CASP8: variants seen among roughly 807,000 people sequenced by gnomAD.
CASP8 encodes the protein caspase-8.
CASP8 carries 24 observed loss-of-function variants against 46.3 expected under a neutral mutation model. That is an observed-to-expected ratio of 0.52 (90% CI 0.38 to 0.73). The LOEUF (loss-of-function observed/expected upper bound fraction) is 0.73, where lower values mean the gene tolerates loss of function less well. Ranked by LOEUF, CASP8 falls within the 30% of genes least tolerant of loss-of-function variation. The pLI is 0.00. For synonymous variants in CASP8, 188 were observed against 200.4 expected, an observed-to-expected ratio of 0.94 and a Z score of 0.52; for missense variants, 460 against 559.0, an observed-to-expected ratio of 0.82 and a Z score of 1.79.
chr2:201,275,992 A>G (rs893236431), intron 6 of CASP8, among the ~76,000 whole-genome samples: 27 of 152,226 alleles, frequency 1.8e-4, no homozygotes, highest in Admixed American at 2.6e-4. Flanking sequence ...CAAATATTTA[A>G]TATCTTAGAG....
intron 2 of CASP8, among the ~76,000 whole-genome samples, chr2:201,236,965 A>C (rs991392861): frequency 7.2e-5 from 11 of 151,994 alleles, no homozygotes; most frequent in Admixed American, 2.0e-4. Flanking sequence ...AATTATTTCT[A>C]TCCCCACCCT....
intron 2 of CASP8, among the ~76,000 whole-genome samples, chr2:201,239,256 A>C (rs938331602): frequency 2.2e-4 from 33 of 152,050 alleles, no homozygotes; most frequent in Admixed American, 3.3e-4. Flanking sequence ...CATTGTCATC[A>C]TGGCCCGTTC....
At chr2:201,268,819 A>G (rs774577346) in intron 2 of CASP8, among the ~76,000 whole-genome samples, 1 of 151,526 alleles carries the variant, frequency 6.6e-6, no homozygotes, top group Non-Finnish European at 1.5e-5. Flanking sequence ...GTCTCTGCCT[A>G]TGTTCCCTTC....
At chr2:201,286,163 G>A (rs1424276986) in intron 8 of CASP8, among the ~76,000 whole-genome samples, 5 of 152,232 alleles carry the variant, frequency 3.3e-5, no homozygotes, top group African/African-American at 9.6e-5. Flanking sequence ...GCCAAGTAAC[G>A]TGGAGAAGAG....
intron 2 of CASP8, among the ~76,000 whole-genome samples, chr2:201,268,909 T>TTG (rs58087434): frequency 0.34 from 44,381 of 131,336 alleles, 7,716 homozygotes; most frequent in East Asian, 0.43. Flanking sequence ...GGCCTCATCT[T>TTG]TGTGTGTGTG....
intron 6 of CASP8, among the ~76,000 whole-genome samples, chr2:201,276,436 A>T (rs1404146083): frequency 6.6e-6 from 1 of 152,204 alleles, no homozygotes; most frequent in Non-Finnish European, 1.5e-5. Flanking sequence ...GCAGCCAAAG[A>T]CATTCATTCA....
In CASP8 at chr2:201,271,552, A is replaced by T. The variant is rs948804615; in HGVS notation, c.342A>T (p.Arg114Ser). ...MLYQISEEVS[R>S]SELRSFKFLL... ...ATCAGATTTCAGAAGAAGTGAGCAGATCAGAATTGAGGTCTTTTAAGTTTC... is the reference window on the plus strand; with the variant it reads ...ATCAGATTTCAGAAGAAGTGAGCAGTTCAGAATTGAGGTCTTTTAAGTTTC... The change falls in exon 3 of 9, where the codon AGA (arginine) becomes AGT (serine). Residue 114 changes from arginine (R) to serine (S), a missense_variant. Physicochemically the swap from Arg to Ser is moderately radical, Grantham distance 110. Transcript: ENST00000673742. 3.1e-6 allele frequency: 5 copies of T among 1,610,806 alleles called. No homozygotes were observed. The African/African-American group carries it at 6.7e-5, about 22-fold the overall frequency.
chr2:201,238,486 G>A (rs1429726443), intron 2 of CASP8, among the ~76,000 whole-genome samples: 1 of 151,048 alleles, frequency 6.6e-6, no homozygotes, highest in African/African-American at 2.4e-5. Context: ...CTGTCACTCA[G>A]GCTGGAGTGC....
intron 1 of CASP8, among the ~76,000 whole-genome samples, chr2:201,264,439 G>C (rs567066366): frequency 4.0e-5 from 6 of 151,620 alleles, no homozygotes; most frequent in African/African-American, 1.5e-4. Context: ...TGCTACCTGG[G>C]GTCTTGCCAC....
Position 201,272,495 on chromosome 2 carries a change from T to A in CASP8, c.412-143T>A. 1 of 868,304 alleles carries A rather than the reference T, an allele frequency of 1.2e-6. No homozygotes were observed. The highest frequency in any genetic ancestry group is 2.1e-5 in the Admixed American group (1 of 46,568). The allele number at this position is 868,304 out of a possible 1,614,324, so 53.8% of individuals were successfully genotyped here. On this transcript the variant is annotated intron_variant, in intron 3 of 8. Coordinates refer to ENST00000673742, the MANE Select transcript of CASP8 (RefSeq NM_001372051.1). This position sits in a 1 kb window ranked among gnomAD's most constrained non-coding sequence, Gnocchi z 4.4. ...CGCTTCCCTAGTAGCCTGCTGGCTG[T>A]GAGAGACCAGCAGAAACTGTCAGAA...
At chr2:201,258,160 C>T (rs1947117818), upstream of CASP8, 2 of 1,552,380 alleles carry the variant, frequency 1.3e-6, no homozygotes, top group Middle Eastern at 1.7e-4. Flanking sequence ...CACAGGTTCT[C>T]CTCCTTTTAT....
At chr2:201,265,981 GTTTT>G (rs113734571) in intron 1 of CASP8, among the ~76,000 whole-genome samples, 1 of 138,916 alleles carries the variant, frequency 7.2e-6, no homozygotes. Flanking sequence ...TGTTTTTTGT[GTTTT>G]TTTTTTTTTT....
chr2:201,262,650 A>G (rs1947505101), intron 1 of CASP8, among the ~76,000 whole-genome samples: 1 of 152,180 alleles, frequency 6.6e-6, no homozygotes, highest in Admixed American at 6.5e-5. Flanking sequence ...TACTTTCTCT[A>G]TGAAACAAGT....
intron 8 of CASP8, among the ~76,000 whole-genome samples, chr2:201,286,176 A>G (rs369704566): frequency 2.3e-4 from 35 of 152,362 alleles, no homozygotes; most frequent in African/African-American, 7.7e-4. Context: ...GAGAAGAGTG[A>G]GAGACACACA....
chr2:201,266,524 A>G lies in CASP8; in HGVS notation c.38A>G (p.Gln13Arg). The change falls in exon 2 of 9, where the codon CAA becomes CGA. Residue 13 changes from glutamine (Q) to arginine (R), a missense_variant. Gln to Arg is a conservative substitution (Grantham distance 43). Coordinates refer to ENST00000673742, the MANE Select transcript of CASP8 (RefSeq NM_001372051.1). This position sits in a 1 kb window ranked among gnomAD's most constrained non-coding sequence, Gnocchi z 5.7. ...AGAAATCTTTATGATATTGGGGAAC[A>G]ACTGGACAGTGAAGATCTGGCCTCC... ...FSRNLYDIGEQLDSEDLASLK... is the reference protein window; with the variant it reads ...FSRNLYDIGERLDSEDLASLK... 6.2e-7 allele frequency: 1 copy of G among 1,614,208 alleles called. No individual in the cohort carries two copies. Among genetic ancestry groups the G allele is most frequent in the East Asian group, 2.2e-5 (1 of 44,886 alleles).
Position 201,266,952 on chromosome 2 carries a change from C to G in CASP8, c.305+161C>G, listed in dbSNP as rs542375088. ...GAAAGACAGTAGTGCCTTGGGTGGT[C>G]CTGCTAAAGGCTGTAAAACTTAGCT... On this transcript the variant is annotated intron_variant, in intron 2 of 8. Transcript: ENST00000673742. This position sits in a 1 kb window ranked among gnomAD's most constrained non-coding sequence, Gnocchi z 5.7. Among the ~76,000 whole-genome samples, 9 of 152,012 alleles carry G rather than the reference C, an allele frequency of 5.9e-5. No homozygotes were observed. The highest frequency in any genetic ancestry group is 1.3e-4 in the Non-Finnish European group (9 of 68,022).
chr2:201,239,338 G>C lies in CASP8; in HGVS notation c.-27+5226G>C, dbSNP rs551810995. 9.0e-3 allele frequency among the ~76,000 whole-genome samples: 1,362 copies of C among 152,082 alleles called. 18 individuals carry two copies. The highest frequency in any genetic ancestry group is 0.031 in the African/African-American group (1,290 of 41,476). ...AGAGGGGCTCCTCACCTCCCAGTAG[G>C]GGCGGCCGGGCAGAGGCGCCCCTCA... On this transcript the variant is annotated intron_variant, in intron 2 of 6. Coordinates refer to the CASP8 transcript ENST00000264274.
intron 1 of CASP8, 71 bp downstream of exon 1, chr2:201,260,684 T>C: frequency 2.2e-6 from 1 of 444,898 alleles, no homozygotes; most frequent in Non-Finnish European, 3.0e-6. Context: ...TGGAGTTTTC[T>C]AGGCTGCTGA....
intron 5 of CASP8, among the ~76,000 whole-genome samples, chr2:201,274,644 T>G (rs966510981): frequency 2.0e-5 from 3 of 152,144 alleles, no homozygotes; most frequent in Non-Finnish European, 4.4e-5. Flanking sequence ...CCGGCTAATT[T>G]TTTTGTACTT....
Sources: allele counts gnomAD v4.1 joint callset (sites outside exome capture counted in the v4.1 genomes callset), GRCh38; gene constraint gnomAD v4.1.1; non-coding constraint Gnocchi (gnomAD v3.1); transcripts MANE v1.5; gene names NCBI Gene and HGNC (gene_info 2026-07-23, HGNC 2026-07-21).